The following HSD17B4 variants were observed in gnomAD, a reference collection of about 807,000 sequenced individuals.
The protein encoded by HSD17B4 is peroxisomal multifunctional enzyme type 2.
HSD17B4 carries 70 observed loss-of-function variants against 101.0 expected under a neutral mutation model. That is an observed-to-expected ratio of 0.69 (90% CI 0.57 to 0.85). HSD17B4 has a LOEUF of 0.85. Among genes scored for constraint, HSD17B4 ranks in the 40% least tolerant of loss-of-function variants. The pLI is 0.00. For synonymous variants in HSD17B4, 347 were observed against 297.1 expected (o/e 1.17, Z -1.73); for missense variants, 984 against 892.4 (o/e 1.10, Z -1.31).
At chr5:119,521,009 G>T (rs1753069154) in intron 17 of HSD17B4, among the ~76,000 whole-genome samples, 1 of 151,950 alleles carries the variant, frequency 6.6e-6, no homozygotes, top group Non-Finnish European at 1.5e-5. Context: ...TTTTAGATTT[G>T]CAGTTGAATA....
At chr5:119,493,578 G>A (rs1374256298) in intron 10 of HSD17B4, 1 of 457,098 alleles carries the variant, frequency 2.2e-6, no homozygotes, top group Non-Finnish European at 4.0e-6. Context: ...CTTTAGTACT[G>A]TCTGGCATAG....
At chr5:119,509,321 G>C (rs781096236) in intron 16 of HSD17B4, 77 bp downstream of exon 16, 157 of 936,282 alleles carry the variant, frequency 1.7e-4, no homozygotes, top group Non-Finnish European at 2.6e-4. Flanking sequence ...TGAACAGCAT[G>C]AGTTTGAACT....
chr5:119,522,835 A>G (rs1753237484), intron 17 of HSD17B4, among the ~76,000 whole-genome samples: 1 of 152,064 alleles, frequency 6.6e-6, no homozygotes, highest in Admixed American at 6.6e-5. Flanking sequence ...AGACTAGTGT[A>G]CTATTAATTA....
At chr5:119,532,606 A>G (rs1754211852) in intron 22 of HSD17B4, among the ~76,000 whole-genome samples, 1 of 152,130 alleles carries the variant, frequency 6.6e-6, no homozygotes. Context: ...TATTTCATAA[A>G]TAACTAACAT....
chr5:119,473,872 A>G, intron 2 of HSD17B4, 36 bp from the exon 3 acceptor site: 1 of 1,184,818 alleles, frequency 8.4e-7, no homozygotes, highest in Non-Finnish European at 1.3e-6. Flanking sequence ...AAAGTCTAGA[A>G]TAATTAATTG....
chr5:119,469,909 G>C (rs975929682), intron 2 of HSD17B4, among the ~76,000 whole-genome samples: 2 of 152,142 alleles, frequency 1.3e-5, no homozygotes, highest in Admixed American at 6.5e-5. Flanking sequence ...GGAGACAGTG[G>C]CATGGTTTTG....
intron 8 of HSD17B4, among the ~76,000 whole-genome samples, chr5:119,482,804 G>C (rs992760774): frequency 2.6e-5 from 4 of 152,048 alleles, no homozygotes; most frequent in African/African-American, 9.7e-5. Flanking sequence ...TAAGGTATTG[G>C]GGAGGGGAAG....
At chr5:119,457,814 AG>A (rs1252019642) in intron 2 of HSD17B4, among the ~76,000 whole-genome samples, 1 of 152,188 alleles carries the variant, frequency 6.6e-6, no homozygotes, top group Admixed American at 6.5e-5. Context: ...CTTTGTGCAA[AG>A]AAGGTACTTT....
chr5:119,531,568 G>GTGTGTGTGT lies in HSD17B4; in HGVS notation c.1993+164_1993+165insTGTGTGTGT, dbSNP rs1554069007. Among the ~76,000 whole-genome samples the GTGTGTGTGT allele has an allele frequency of 1.1e-4, 13 of 116,502 alleles. No individual in the cohort carries two copies. The East Asian group carries it at 1.2e-3, about 11-fold the overall frequency. 76.4% of individuals were successfully genotyped at this position (116,502 alleles called of 152,430 possible). A position where few individuals can be genotyped will look rare whatever the true frequency, so the allele number is the denominator to read the frequency against. On this transcript the variant is annotated intron_variant, in intron 22 of 23. Transcript: ENST00000510025. ...ATAGGTTTGGGAATGTCCAAAGGGG[G>GTGTGTGTGT]GTGTGTGTGTGTGTGTGTGTGTGTG...
At chr5:119,478,456 A>T (rs775946581) in intron 7 of HSD17B4, among the ~76,000 whole-genome samples, 2 of 152,198 alleles carry the variant, frequency 1.3e-5, no homozygotes, top group African/African-American at 2.4e-5. Flanking sequence ...CATTGTTTTA[A>T]TGAGGCATTT....
intron 17 of HSD17B4, among the ~76,000 whole-genome samples, chr5:119,523,642 G>C (rs1390658381): frequency 1.3e-5 from 2 of 152,056 alleles, no homozygotes; most frequent in Non-Finnish European, 2.9e-5. Context: ...TCAGAACACT[G>C]TATTCATTTA....
At chr5:119,472,320 G>A (rs1166006452) in intron 2 of HSD17B4, 1 of 152,084 alleles carries the variant, frequency 6.6e-6, no homozygotes, top group Non-Finnish European at 1.5e-5. Flanking sequence ...TTTTTATTGT[G>A]GTAAGAATAC....
At chr5:119,520,108 A>G (rs1752980311) in intron 17 of HSD17B4, among the ~76,000 whole-genome samples, 1 of 152,010 alleles carries the variant, frequency 6.6e-6, no homozygotes, top group Admixed American at 6.6e-5. Flanking sequence ...AAAATAAATC[A>G]TTGAGAAACC....
rs185023106 is a variant in HSD17B4 at position 119,506,207 on chromosome 5, C to T, written c.1262-611C>T. Among the ~76,000 whole-genome samples, 280 of 152,240 alleles carry T rather than the reference C, an allele frequency of 1.8e-3. 1 individual carries two copies. The highest frequency in any genetic ancestry group is 3.1e-3 in the African/African-American group (128 of 41,558). On this transcript the variant is annotated intron_variant, in intron 14 of 23. Coordinates refer to ENST00000510025, the MANE Select transcript of HSD17B4 (RefSeq NM_000414.4). Reference sequence around the variant, plus strand: ...ACAGGCCCCGGTGTGTGATGTTCCCCTCCCTGTGTCCATGTGTTCTCGTTG... The same window carrying T: ...ACAGGCCCCGGTGTGTGATGTTCCCTTCCCTGTGTCCATGTGTTCTCGTTG...
intron 17 of HSD17B4, among the ~76,000 whole-genome samples, chr5:119,523,836 T>C (rs990855308): frequency 1.3e-5 from 2 of 152,112 alleles, no homozygotes; most frequent in Admixed American, 1.3e-4. Context: ...TCTGTTAGCC[T>C]CTAAATGTTT....
chr5:119,514,344 A>T (rs1237009848), intron 16 of HSD17B4, among the ~76,000 whole-genome samples: 2 of 152,226 alleles, frequency 1.3e-5, no homozygotes, highest in African/African-American at 2.4e-5. Flanking sequence ...TGGAAAATTT[A>T]CTTAAATTAT....
At chr5:119,501,258 C>T (rs1478052166) in intron 13 of HSD17B4, among the ~76,000 whole-genome samples, 1 of 151,902 alleles carries the variant, frequency 6.6e-6, no homozygotes, top group Non-Finnish European at 1.5e-5. Context: ...CCGTATGACA[C>T]AGTAAAGCTG....
rs1561469945 is a variant in HSD17B4 at position 119,506,835 on chromosome 5, G to A, written c.1279G>A (p.Ala427Thr). Residue 427 changes from alanine (A) to threonine (T), a missense_variant, in exon 15 of 24, where the codon GCA becomes ACA. Ala to Thr is a moderately conservative substitution (Grantham distance 58). Transcript: ENST00000510025. ...LPRAGKLKCE[A>T]VVADVLDKGS... Reference sequence around the variant, plus strand: ...CTTTCTAGGAAAATTAAAATGTGAAGCAGTTGTTGCTGATGTCCTAGATAA... The same window carrying A: ...CTTTCTAGGAAAATTAAAATGTGAAACAGTTGTTGCTGATGTCCTAGATAA... 1.3e-6 allele frequency: 2 copies of A among 1,582,594 alleles called. No individual in the cohort carries two copies. Among genetic ancestry groups the A allele is most frequent in the Admixed American group, 1.7e-5 (1 of 59,926 alleles).
intron 18 of HSD17B4, 76 bp downstream of exon 18, chr5:119,525,361 T>C: frequency 1.1e-6 from 1 of 871,948 alleles, no homozygotes; most frequent in Non-Finnish European, 2.0e-6. Flanking sequence ...AAGACACTAC[T>C]ACTTATGACT....
Sources: gnomAD v4.1 joint callset for allele counts (sites outside exome capture counted in the v4.1 genomes callset) on GRCh38, gnomAD v4.1.1 for gene constraint, MANE v1.5 for transcripts, NCBI Gene and HGNC (gene_info 2026-07-23, HGNC 2026-07-21) for gene names.